Variants in FAN1 observed in about 807,000 individuals in gnomAD.
FAN1 encodes the protein fanconi-associated nuclease 1.
FAN1 carries 91 observed loss-of-function variants against 104.9 expected under a neutral mutation model. That is an observed-to-expected ratio of 0.87 (90% CI 0.73 to 1.03). The LOEUF (loss-of-function observed/expected upper bound fraction) is 1.03, where lower values mean the gene tolerates loss of function less well. FAN1 is among the 50% of genes least tolerant of loss of function. FAN1 has a pLI of 0.00. For missense variants in FAN1, 1,263 were observed against 1,239.9 expected, an observed-to-expected ratio of 1.02 and a Z score of -0.28; for synonymous variants, 478 against 457.6, an observed-to-expected ratio of 1.04 and a Z score of -0.57.
chr15:30,917,113 G>T (rs1366656045), intron 5 of FAN1, among the ~76,000 whole-genome samples: 1 of 152,216 alleles, frequency 6.6e-6, no homozygotes, highest in East Asian at 1.9e-4. Context: ...GTATGAGGCA[G>T]TTTGGAAGCA....
intron 7 of FAN1, 73 bp from the exon 8 acceptor site, chr15:30,922,162 A>C (rs183359829): frequency 1.9e-6 from 3 of 1,550,990 alleles, no homozygotes; most frequent in East Asian, 4.5e-5. Context: ...TACCAATCCT[A>C]TGGGCTTGTA....
At chr15:30,922,893 G>T (rs1459197106) in intron 8 of FAN1, among the ~76,000 whole-genome samples, 1 of 152,258 alleles carries the variant, frequency 6.6e-6, no homozygotes, top group Admixed American at 6.5e-5. Context: ...CTGTGGTGGC[G>T]ATCTAGGGGC....
chr15:30,929,433 A>G (rs1484408613), intron 12 of FAN1, 36 bp downstream of exon 12: 1 of 1,538,286 alleles, frequency 6.5e-7, no homozygotes, highest in Non-Finnish European at 8.9e-7. Flanking sequence ...TTTGCTCAGA[A>G]AGTTAACACC....
intron 8 of FAN1, among the ~76,000 whole-genome samples, chr15:30,924,590 T>TGG (rs2062412513): frequency 6.6e-6 from 1 of 152,220 alleles, no homozygotes; most frequent in African/African-American, 2.4e-5. Flanking sequence ...TGAATCGCCT[T>TGG]GGGAAATACT....
intron 6 of FAN1, among the ~76,000 whole-genome samples, chr15:30,918,552 G>A (rs958552422): frequency 1.3e-5 from 2 of 152,102 alleles, no homozygotes; most frequent in African/African-American, 2.4e-5. Flanking sequence ...TTGACTTGTC[G>A]CATGCCAACT....
chr15:30,940,548 C>G (rs1234483552), intron 14 of FAN1: 5 of 985,390 alleles, frequency 5.1e-6, no homozygotes, highest in Non-Finnish European at 6.0e-6. Flanking sequence ...TACTGATGGC[C>G]AAGCCCAGCA....
At chr15:30,931,382 T>C (rs1174366632) in intron 13 of FAN1, among the ~76,000 whole-genome samples, 1 of 152,172 alleles carries the variant, frequency 6.6e-6, no homozygotes, top group Non-Finnish European at 1.5e-5. Flanking sequence ...ATGGCTTGTC[T>C]TTTCATTTTC....
At chr15:30,927,099 C>T (rs538749201) in intron 10 of FAN1, 59 of 937,604 alleles carry the variant, frequency 6.3e-5, no homozygotes, top group Admixed American at 1.2e-4. Flanking sequence ...ATCACTTGAA[C>T]TCTGAAGACG....
rs1174605296 is a variant in FAN1 at position 30,913,989 on chromosome 15, A to G, written c.1709A>G (p.Gln570Arg). The G allele has an allele frequency of 6.2e-7, 1 of 1,614,048 alleles. No homozygotes were observed. The highest frequency in any genetic ancestry group is 8.5e-7 in the Non-Finnish European group (1 of 1,180,006). ...GACGCCGCTTGTGGAGGTCAGGGAC[A>G]GCTTTCAACAGTCCTGTTGGTCAAC... The part of the protein sequence containing the change: ...DEDAACGGQG[Q>R]LSTVLLVNLG... Residue 570 changes from glutamine to arginine, a missense_variant, in exon 5 of 15, where the codon CAG (glutamine) becomes CGG (arginine). Physicochemically the swap from Gln to Arg is conservative, Grantham distance 43. Around this residue, in one of 2 missense-constraint regions of FAN1, gnomAD observed 581 missense variants for 668.8 expected, o/e 0.87. Coordinates refer to ENST00000362065, the MANE Select transcript of FAN1 (RefSeq NM_014967.5).
intron 12 of FAN1, among the ~76,000 whole-genome samples, chr15:30,930,219 ACTGCTG>A (rs1263513889): frequency 6.6e-6 from 1 of 151,352 alleles, no homozygotes; most frequent in Admixed American, 6.6e-5. Flanking sequence ...TGTTCCTTCA[ACTGCTG>A]CCCTCTATGA....
chr15:30,925,065 A>G, intron 8 of FAN1, 62 bp from the exon 9 acceptor site: 1 of 1,525,318 alleles, frequency 6.6e-7, no homozygotes, highest in South Asian at 1.2e-5. Context: ...TGTCAAACTA[A>G]ATGCATGGAA....
rs772275159 is a variant in FAN1 at position 30,905,543 on chromosome 15, GA to G, written c.885del (p.Lys295AsnfsTer10). On this transcript the variant is annotated frameshift_variant, in exon 2 of 15. Coordinates refer to ENST00000362065, the MANE Select transcript of FAN1 (RefSeq NM_014967.5). LOFTEE classifies it high-confidence loss of function. The part of the protein sequence containing the change: ...VKQECIKEVV[E>X]KREACHCEEV... ...GCAAGAGTGTATCAAAGAAGTGGTT[GA>G]AAAACGTGAGGCATGTCATTGTGAA... 1 of 1,613,888 alleles carries G rather than the reference GA, an allele frequency of 6.2e-7. No homozygotes were observed. The highest frequency in any genetic ancestry group is 8.5e-7 in the Non-Finnish European group (1 of 1,179,786).
At chr15:30,925,400 GAAT>G in intron 9 of FAN1, 109 bp downstream of exon 9, 4 of 1,094,278 alleles carry the variant, frequency 3.7e-6, no homozygotes, top group Non-Finnish European at 5.2e-6. Flanking sequence ...TTTAGACTCG[GAAT>G]AATCTAAAAC....
intron 2 of FAN1, chr15:30,906,582 G>A (rs960410332): frequency 2.2e-6 from 1 of 448,844 alleles, no homozygotes; most frequent in African/African-American, 2.0e-5. Flanking sequence ...CCATGTCCCT[G>A]AGGGCAGGAA....
intron 6 of FAN1, 85 bp downstream of exon 6, chr15:30,918,380 T>C (rs2062239296): frequency 7.3e-7 from 1 of 1,368,480 alleles, no homozygotes; most frequent in Non-Finnish European, 1.0e-6. Context: ...TCATGAAGAA[T>C]ATACTCCTTT....
intron 10 of FAN1, 89 bp downstream of exon 10, chr15:30,926,028 T>C: frequency 7.6e-7 from 1 of 1,320,966 alleles, no homozygotes; most frequent in Non-Finnish European, 1.1e-6. Context: ...GCTGCTGTCC[T>C]CTCTCTGTCC....
chr15:30,913,076 A>T (rs927660290), intron 4 of FAN1, among the ~76,000 whole-genome samples: 1 of 152,226 alleles, frequency 6.6e-6, no homozygotes, highest in Admixed American at 6.5e-5. Context: ...CCATAGACCG[A>T]TAACTGTCCA....
Position 30,920,531 on chromosome 15 carries a change from T to C in FAN1, c.1944-14T>C. 7.2e-6 allele frequency: 11 copies of C among 1,535,650 alleles called. No homozygotes were observed. The highest frequency in any genetic ancestry group is 9.0e-6 in the Non-Finnish European group (10 of 1,110,758). On this transcript the variant is annotated splice_polypyrimidine_tract_variant and intron_variant, in intron 6 of 14. Transcript: ENST00000362065. ...ACCAAATTATTAAACTACTGGTATA[T>C]GTCTTCATTTTAGATGCCACGAAGA... is the stretch of plus-strand genomic sequence containing the variant.
chr15:30,905,909 A>C lies in FAN1; in HGVS notation c.1234+12A>C, dbSNP rs373424798. 5.0e-6 allele frequency: 8 copies of C among 1,601,650 alleles called. No individual in the cohort carries two copies. In the African/African-American group the frequency reaches 1.1e-4, roughly 21 times the overall value. On this transcript the variant is annotated intron_variant, in intron 2 of 14. Coordinates refer to ENST00000362065, the MANE Select transcript of FAN1 (RefSeq NM_014967.5). Reference sequence around the variant, plus strand: ...TTATCAGTTATCAGGTATCTTACGCACGTGTTTGTTTTCAAGTTTTCATTC... The same window carrying C: ...TTATCAGTTATCAGGTATCTTACGCCCGTGTTTGTTTTCAAGTTTTCATTC...
Sources: allele counts gnomAD v4.1 joint callset (sites outside exome capture counted in the v4.1 genomes callset), GRCh38; gene constraint gnomAD v4.1.1; regional missense constraint gnomAD v4.1.1; transcripts MANE v1.5; gene names NCBI Gene and HGNC (gene_info 2026-07-23, HGNC 2026-07-21).